TMEM65: variants seen among roughly 807,000 people sequenced by gnomAD.
The protein encoded by TMEM65 is transmembrane protein 65.
In TMEM65, 22 loss-of-function variants were observed where a neutral mutation model predicts 25.4. That is an observed-to-expected ratio of 0.86 (90% CI 0.62 to 1.23). The LOEUF is 1.23. Ranked by LOEUF, TMEM65 falls within the 50% of genes most tolerant of loss-of-function variation. TMEM65 has a pLI of 0.00. For synonymous variants in TMEM65, 132 were observed against 126.2 expected (o/e 1.05, Z -0.31); for missense variants, 262 against 308.2 (o/e 0.85, Z 1.12).
At chr8:124,335,010 A>C (rs1039255895) in intron 1 of TMEM65, among the ~76,000 whole-genome samples, 2 of 152,072 alleles carry the variant, frequency 1.3e-5, no homozygotes, top group African/African-American at 4.8e-5. Flanking sequence ...TTAAAAGGCA[A>C]GTAGAGAAAC....
chr8:124,347,686 T>C (rs914212544), intron 1 of TMEM65, among the ~76,000 whole-genome samples: 3 of 152,168 alleles, frequency 2.0e-5, no homozygotes, highest in African/African-American at 4.8e-5. Flanking sequence ...CTGCAACCTG[T>C]TACCTAGAAG....
intron 3 of TMEM65, among the ~76,000 whole-genome samples, chr8:124,325,884 A>C (rs1814360579): frequency 6.6e-6 from 1 of 152,162 alleles, no homozygotes; most frequent in South Asian, 2.1e-4. Flanking sequence ...TAATCTATAC[A>C]ATGTAAATTA....
At chr8:124,315,128 G>A (rs1020068550) in intron 6 of TMEM65, among the ~76,000 whole-genome samples, 2 of 152,134 alleles carry the variant, frequency 1.3e-5, no homozygotes, top group African/African-American at 4.8e-5. Flanking sequence ...TGTACTGGGT[G>A]TACCATGGAG....
At chr8:124,319,603 C>T (rs1814280883) in intron 6 of TMEM65, among the ~76,000 whole-genome samples, 1 of 151,962 alleles carries the variant, frequency 6.6e-6, no homozygotes, top group African/African-American at 2.4e-5. Context: ...AATGTCTCAT[C>T]TATAATTCAA....
chr8:124,329,617 T>C (rs1330761649), intron 2 of TMEM65, among the ~76,000 whole-genome samples: 1 of 151,964 alleles, frequency 6.6e-6, no homozygotes, highest in African/African-American at 2.4e-5. Context: ...TTTATACCTA[T>C]ATAAATATGT....
At chr8:124,323,171 A>G (rs1301684812) in intron 4 of TMEM65, 150 bp downstream of exon 4, 2 of 502,074 alleles carry the variant, frequency 4.0e-6, no homozygotes, top group African/African-American at 4.1e-5. Context: ...TACATGTACA[A>G]AACTAAGAAT....
chr8:124,324,988 T>C (rs1814349593), intron 3 of TMEM65, among the ~76,000 whole-genome samples: 1 of 151,960 alleles, frequency 6.6e-6, no homozygotes, highest in Non-Finnish European at 1.5e-5. Context: ...AACCCTAAAA[T>C]ATAAGTTATA....
chr8:124,322,161 A>C lies in TMEM65; in HGVS notation c.473-14T>G, dbSNP rs1482001176. 6.3e-7 allele frequency: 1 copy of C among 1,598,318 alleles called. No homozygotes were observed. The highest frequency in any genetic ancestry group is 8.6e-7 in the Non-Finnish European group (1 of 1,167,920). On this transcript the variant is annotated splice_polypyrimidine_tract_variant and intron_variant, in intron 4 of 6. Coordinates refer to ENST00000297632, the MANE Select transcript of TMEM65 (RefSeq NM_194291.3). ...CCAAAGCAGCAGCTAAAAATTTGAA[A>C]AATAAATAATTGTTACATAAAAGAA...
chr8:124,307,927 C>A lies in TMEM65; in HGVS notation c.*6033G>T, dbSNP rs188707328. 1.3e-5 allele frequency: 2 copies of A among 152,118 alleles called. No homozygotes were observed. The highest frequency in any genetic ancestry group is 2.9e-5 in the Non-Finnish European group (2 of 68,000). 9.4% of individuals were successfully genotyped at this position (152,118 alleles called of 1,614,324 possible). A position where few individuals can be genotyped will look rare whatever the true frequency, so the allele number is the denominator to read the frequency against. ...TATTAGTAAAGAAGAGAAGTGAGCA[C>A]CAGGGTTTAAGGCAGAAAGGGACAG... On this transcript the variant is annotated 3_prime_UTR_variant, in exon 7 of 7. Coordinates refer to ENST00000297632, the MANE Select transcript of TMEM65 (RefSeq NM_194291.3).
chr8:124,348,065 A>G (rs1263763561), intron 1 of TMEM65, among the ~76,000 whole-genome samples: 1 of 151,818 alleles, frequency 6.6e-6, no homozygotes, highest in Non-Finnish European at 1.5e-5. Flanking sequence ...AGTAGCCGGG[A>G]TTACAGGCAG....
At chr8:124,323,423 T>A (rs762205783) in intron 3 of TMEM65, 48 bp from the exon 4 acceptor site, 2 of 998,184 alleles carry the variant, frequency 2.0e-6, no homozygotes, top group South Asian at 1.5e-5. Flanking sequence ...CTGAAGTGAC[T>A]ATAAAAGAAT....
intron 1 of TMEM65, among the ~76,000 whole-genome samples, chr8:124,349,513 C>T (rs576803094): frequency 2.1e-4 from 32 of 152,274 alleles, no homozygotes; most frequent in African/African-American, 7.7e-4. Context: ...TAGCCTGAGG[C>T]TAATCCACTG....
At chr8:124,333,822 C>T (rs116901104) in intron 1 of TMEM65, among the ~76,000 whole-genome samples, 3,725 of 152,274 alleles carry the variant, frequency 0.024, 65 homozygotes, top group Middle Eastern at 0.041. Context: ...GCTCCAGTCA[C>T]AACATGCAGA....
At chr8:124,335,409 G>T (rs1814492832) in intron 1 of TMEM65, among the ~76,000 whole-genome samples, 1 of 152,094 alleles carries the variant, frequency 6.6e-6, no homozygotes, top group Non-Finnish European at 1.5e-5. Context: ...CTTGAGGAAG[G>T]AATAAAGAGC....
At chr8:124,363,990 C>T (rs2131230315) in intron 1 of TMEM65, among the ~76,000 whole-genome samples, 1 of 152,036 alleles carries the variant, frequency 6.6e-6, no homozygotes, top group Non-Finnish European at 1.5e-5. Context: ...CAACCATAGC[C>T]TTTGCAGTAG....
intron 1 of TMEM65, among the ~76,000 whole-genome samples, chr8:124,358,165 G>A (rs1363884606): frequency 6.6e-6 from 1 of 152,134 alleles, no homozygotes; most frequent in Non-Finnish European, 1.5e-5. Context: ...CACACTGGTT[G>A]AAGGATTTGG....
intron 1 of TMEM65, among the ~76,000 whole-genome samples, chr8:124,344,726 G>A (rs1195832591): frequency 6.6e-6 from 1 of 152,146 alleles, no homozygotes; most frequent in African/African-American, 2.4e-5. Context: ...CTGTTAAGAA[G>A]TATACTTCAG....
chr8:124,326,966 A>G (rs1814372631), intron 3 of TMEM65, among the ~76,000 whole-genome samples: 1 of 152,058 alleles, frequency 6.6e-6, no homozygotes, highest in South Asian at 2.1e-4. Flanking sequence ...ACATTTTCAC[A>G]TTGGAAAATT....
chr8:124,359,324 TTA>T, intron 1 of TMEM65, among the ~76,000 whole-genome samples: 1 of 152,170 alleles, frequency 6.6e-6, no homozygotes, highest in Non-Finnish European at 1.5e-5. Context: ...CAGCAAACAC[TTA>T]AAGAGATAGC....
Sources: allele counts gnomAD v4.1 joint callset (sites outside exome capture counted in the v4.1 genomes callset), GRCh38; gene constraint gnomAD v4.1.1; transcripts MANE v1.5; gene names NCBI Gene and HGNC (gene_info 2026-07-23, HGNC 2026-07-21).